RFC1: variants seen among roughly 807,000 people sequenced by gnomAD.
The protein encoded by RFC1 is replication factor C subunit 1.
In RFC1, 37 loss-of-function variants were observed where a neutral mutation model predicts 137.4. The observed-to-expected ratio is 0.27, with a 90% CI of 0.21 to 0.35. RFC1 has a LOEUF of 0.35. RFC1 is among the 10% of genes least tolerant of loss of function. The pLI, the probability that RFC1 is intolerant of heterozygous loss-of-function variation, is 1.00. For synonymous variants in RFC1, 429 were observed against 455.7 expected (o/e 0.94, Z 0.75); for missense variants, 1,205 against 1,358.5 (o/e 0.89, Z 1.78).
At chr4:39,298,467 A>G (rs933331976) in intron 21 of RFC1, among the ~76,000 whole-genome samples, 15 of 152,224 alleles carry the variant, frequency 9.9e-5, no homozygotes, top group Admixed American at 5.9e-4. Flanking sequence ...ATAACTATAC[A>G]AAAGTCAAAA....
chr4:39,295,115 A>T (rs1560587718), intron 22 of RFC1, among the ~76,000 whole-genome samples: 1 of 152,262 alleles, frequency 6.6e-6, no homozygotes, highest in Non-Finnish European at 1.5e-5. Context: ...GAACTTCCTT[A>T]AACTTTTCCA....
chr4:39,347,558 C>T (rs1740917977), intron 2 of RFC1, among the ~76,000 whole-genome samples: 1 of 152,100 alleles, frequency 6.6e-6, no homozygotes, highest in South Asian at 2.1e-4. Context: ...AACAAACAAA[C>T]AAACAAAAAC....
chr4:39,304,827 T>A lies in RFC1; in HGVS notation c.2097A>T (p.Lys699Asn). 1 of 1,602,940 alleles carries A rather than the reference T, an allele frequency of 6.2e-7. No individual in the cohort carries two copies. The highest frequency in any genetic ancestry group is 8.5e-7 in the Non-Finnish European group (1 of 1,169,920). Residue 699 changes from lysine to asparagine, a missense_variant, in exon 15 of 25, where the codon AAA becomes AAT. Around this residue, in one of 3 missense-constraint regions of RFC1, gnomAD observed 962 missense variants for 1,035.3 expected, o/e 0.93. Transcript: ENST00000349703. ...VAESLNNTSI[K>N]GFYSNGAASS... ...AAAGCCACATACTTGAATAAAAGCC[T>A]TTGATGCTGGTATTGTTCAGTGACT...
intron 11 of RFC1, among the ~76,000 whole-genome samples, chr4:39,312,130 TG>T (rs1247328574): frequency 2.6e-5 from 4 of 152,196 alleles, no homozygotes; most frequent in Non-Finnish European, 5.9e-5. Context: ...ATGACATACT[TG>T]CCACTGTTCC....
chr4:39,323,318 A>C, intron 7 of RFC1, 22 bp downstream of exon 7: 5 of 1,611,198 alleles, frequency 3.1e-6, no homozygotes, highest in Non-Finnish European at 4.2e-6. Flanking sequence ...TTCAGAACGC[A>C]AATAGCCCAA....
chr4:39,356,675 A>C (rs1741496041), intron 1 of RFC1, among the ~76,000 whole-genome samples: 1 of 152,206 alleles, frequency 6.6e-6, no homozygotes. Context: ...ATTTTCTGTT[A>C]CTCTCATATT....
At chr4:39,309,529 G>C (rs1185096398) in intron 12 of RFC1, among the ~76,000 whole-genome samples, 1 of 152,198 alleles carries the variant, frequency 6.6e-6, no homozygotes, top group Non-Finnish European at 1.5e-5. Context: ...CTACAACCCA[G>C]GTCAACCTTG....
At chr4:39,303,036 G>A (rs759755756) in intron 16 of RFC1, 24 bp downstream of exon 16, 1 of 1,570,522 alleles carries the variant, frequency 6.4e-7, no homozygotes, top group Non-Finnish European at 8.8e-7. Context: ...CAGTGAAACT[G>A]CAAAAATACA....
At chr4:39,363,796 G>A (rs1157385341) in intron 1 of RFC1, among the ~76,000 whole-genome samples, 1 of 151,524 alleles carries the variant, frequency 6.6e-6, no homozygotes, top group East Asian at 1.9e-4. Context: ...GCAGGCTGAG[G>A]CACAAGAATC....
chr4:39,345,341 C>CTA, intron 3 of RFC1, 60 bp downstream of exon 3: 2 of 1,396,394 alleles, frequency 1.4e-6, no homozygotes, highest in South Asian at 1.2e-5. Flanking sequence ...GTTTAAAGCA[C>CTA]TGTTCTAAGG....
At chr4:39,351,055 C>CCTGG (rs1430007164) in intron 2 of RFC1, among the ~76,000 whole-genome samples, 1 of 151,800 alleles carries the variant, frequency 6.6e-6, no homozygotes, top group East Asian at 1.9e-4. Flanking sequence ...TCGAGACCAT[C>CCTGG]CTGGCTAACA....
rs191431912 is a variant in RFC1 at position 39,349,771 on chromosome 4, G to A, written c.132+1577C>T. On this transcript the variant is annotated intron_variant, in intron 2 of 24. Coordinates refer to ENST00000349703, the MANE Select transcript of RFC1 (RefSeq NM_002913.5). ...TGTAATCCCAGCACTTCAGGAGGCC[G>A]AGGCAGGTAGATCACCTGAGATCGG... is the stretch of plus-strand genomic sequence containing the variant. Among the ~76,000 whole-genome samples the A allele has an allele frequency of 2.8e-4, 43 of 152,278 alleles. No individual in the cohort carries two copies. The East Asian group carries it at 7.1e-3, about 25-fold the overall frequency.
chr4:39,309,077 T>C (rs1263893343), intron 12 of RFC1, 45 bp from the exon 13 acceptor site: 2 of 1,541,454 alleles, frequency 1.3e-6, no homozygotes, highest in Non-Finnish European at 8.7e-7. Flanking sequence ...TGATGAAACA[T>C]ACAGAATTTC....
Position 39,311,547 on chromosome 4 carries a change from G to A in RFC1, c.1386C>T (p.Ala462=), listed in dbSNP as rs375000409. ...CAATAATTTTTGTCCCCAAGGCTGC[G>A]GCCTGTTGATTAAAAATGTAAACCA... is the stretch of plus-strand genomic sequence containing the variant. ...RDSGQSKSDK[A]AALGTKIIDE... is the part of the protein sequence containing the mutation. Residue 462 remains alanine, a splice_region_variant and synonymous_variant, in exon 12 of 25, where the codon GCC becomes GCT. Transcript: ENST00000349703. 5.3e-5 allele frequency: 86 copies of A among 1,612,624 alleles called. No individual in the cohort carries two copies. Among genetic ancestry groups the A allele is most frequent in the South Asian group, 6.6e-5 (6 of 90,936 alleles).
intron 21 of RFC1, 97 bp from the exon 22 acceptor site, chr4:39,295,856 A>T: frequency 2.6e-6 from 3 of 1,146,188 alleles, no homozygotes; most frequent in South Asian, 1.6e-5. Flanking sequence ...AAGATAAAGC[A>T]ACACTGTACC....
Position 39,366,303 on chromosome 4 carries a change from C to A in RFC1, c.-62G>T. 4 of 1,493,294 alleles carry A rather than the reference C, an allele frequency of 2.7e-6. No individual in the cohort carries two copies. In the South Asian group the frequency reaches 5.1e-5, roughly 19 times the overall value. The allele number at this position is 1,493,294 out of a possible 1,614,324, so 92.5% of individuals were successfully genotyped here. A position where few individuals can be genotyped will look rare whatever the true frequency, so the allele number is the denominator to read the frequency against. On this transcript the variant is annotated 5_prime_UTR_variant, in exon 1 of 25. Coordinates refer to ENST00000349703, the MANE Select transcript of RFC1 (RefSeq NM_002913.5). ...GTGGGCCGGTTGAGGAATCTGTTATCGAGGCTCAGGATCCATTCGCGCCAA... is the reference window on the plus strand; with the variant it reads ...GTGGGCCGGTTGAGGAATCTGTTATAGAGGCTCAGGATCCATTCGCGCCAA...
At chr4:39,304,438 C>G (rs1238507890) in intron 15 of RFC1, among the ~76,000 whole-genome samples, 6 of 152,230 alleles carry the variant, frequency 3.9e-5, no homozygotes, top group Admixed American at 1.3e-4. Flanking sequence ...TATTACCTCA[C>G]TCTGTATTAC....
intron 4 of RFC1, among the ~76,000 whole-genome samples, chr4:39,341,146 A>AT (rs2109728272): frequency 6.6e-6 from 1 of 152,346 alleles, no homozygotes; most frequent in Non-Finnish European, 1.5e-5. Context: ...AAATCACAAG[A>AT]TAACAACAGC....
chr4:39,327,471 T>G, intron 5 of RFC1, 53 bp downstream of exon 5: 1 of 1,113,682 alleles, frequency 9.0e-7, no homozygotes, highest in Non-Finnish European at 1.3e-6. Context: ...CCTGTTAATA[T>G]TAGTGAATGG....
Sources: gnomAD v4.1 joint callset for allele counts (sites outside exome capture counted in the v4.1 genomes callset) on GRCh38, gnomAD v4.1.1 for gene constraint, gnomAD v4.1.1 regional missense constraint, MANE v1.5 for transcripts, NCBI Gene and HGNC (gene_info 2026-07-23, HGNC 2026-07-21) for gene names.